The following MAGI2 variants were observed in gnomAD, a reference collection of about 807,000 sequenced individuals.
MAGI2 encodes the protein membrane-associated guanylate kinase, WW and PDZ domain-containing protein 2.
MAGI2 carries 35 observed loss-of-function variants against 133.3 expected under a neutral mutation model. That is an observed-to-expected ratio of 0.26 (90% CI 0.20 to 0.35). MAGI2 has a LOEUF of 0.35. Among genes scored for constraint, MAGI2 ranks in the 10% least tolerant of loss-of-function variants. The probability of loss-of-function intolerance (pLI) is 1.00; values close to 1 mark genes in which losing one functional copy is unlikely to be tolerated. For synonymous variants in MAGI2, 729 were observed against 710.6 expected, an observed-to-expected ratio of 1.03 and a Z score of -0.41; for missense variants, 1,636 against 1,863.4, an observed-to-expected ratio of 0.88 and a Z score of 2.25.
chr7:78,076,852 CAAAAAAAA>C (rs1242148618), intron 21 of MAGI2, among the ~76,000 whole-genome samples: 6 of 42,552 alleles, frequency 1.4e-4, no homozygotes, highest in African/African-American at 1.9e-4. Flanking sequence ...GACTCCGTCT[CAAAAAAAA>C]AAAAAAAAAA....
At chr7:78,797,553 C>G (rs1787718329) in intron 2 of MAGI2, among the ~76,000 whole-genome samples, 1 of 152,074 alleles carries the variant, frequency 6.6e-6, no homozygotes, top group African/African-American at 2.4e-5. Flanking sequence ...GTAATTGGAA[C>G]ATTATGTCAG....
intron 1 of MAGI2, among the ~76,000 whole-genome samples, chr7:79,384,299 G>C (rs1844020800): frequency 6.6e-6 from 1 of 151,614 alleles, no homozygotes; most frequent in African/African-American, 2.4e-5. Flanking sequence ...TGGTTACAAA[G>C]ATGGATTGAA....
intron 1 of MAGI2, among the ~76,000 whole-genome samples, chr7:79,294,447 A>G (rs1034339812): frequency 6.6e-6 from 1 of 151,706 alleles, no homozygotes; most frequent in African/African-American, 2.4e-5. Context: ...GGAACAGGGG[A>G]AGCCAGGCTC....
At chr7:78,766,423 G>A (rs983944983) in intron 2 of MAGI2, among the ~76,000 whole-genome samples, 1 of 152,168 alleles carries the variant, frequency 6.6e-6, no homozygotes, top group Admixed American at 6.5e-5. Flanking sequence ...AGGTGAATAA[G>A]TTGAGTAGCT....
At chr7:79,450,719 A>G (rs2129207380) in intron 1 of MAGI2, among the ~76,000 whole-genome samples, 1 of 152,304 alleles carries the variant, frequency 6.6e-6, no homozygotes, top group East Asian at 1.9e-4. Context: ...CATTAGATCA[A>G]ATTATGGCAA....
At chr7:78,541,741 C>G (rs1458874240) in intron 3 of MAGI2, among the ~76,000 whole-genome samples, 1 of 152,086 alleles carries the variant, frequency 6.6e-6, no homozygotes, top group Non-Finnish European at 1.5e-5. Context: ...TATCTAAGAA[C>G]CACTGTCTTT....
chr7:78,079,151 T>TA (rs1409683470), intron 20 of MAGI2, 66 bp from the exon 21 acceptor site: 337 of 1,476,930 alleles, frequency 2.3e-4, no homozygotes, highest in Non-Finnish European at 2.5e-4. Context: ...GTCAACAGAT[T>TA]AAAAAAAAAG....
At chr7:78,375,100 C>G (rs1306500067) in intron 6 of MAGI2, among the ~76,000 whole-genome samples, 1 of 152,090 alleles carries the variant, frequency 6.6e-6, no homozygotes, top group Non-Finnish European at 1.5e-5. Flanking sequence ...GCCTTGGCCT[C>G]CCAAAGTGCT....
intron 2 of MAGI2, among the ~76,000 whole-genome samples, chr7:78,941,912 A>G (rs1801018306): frequency 6.6e-6 from 1 of 151,896 alleles, no homozygotes; most frequent in Non-Finnish European, 1.5e-5. Flanking sequence ...TTGGCATAAA[A>G]CTCATCTCCA....
chr7:79,303,607 T>C (rs1343450037), intron 1 of MAGI2, among the ~76,000 whole-genome samples: 2 of 152,130 alleles, frequency 1.3e-5, no homozygotes. Flanking sequence ...GAATTTAAGG[T>C]TGGTTTGTTT....
At chr7:79,141,456 C>T (rs543543000) in intron 1 of MAGI2, among the ~76,000 whole-genome samples, 11 of 152,288 alleles carry the variant, frequency 7.2e-5, no homozygotes, top group African/African-American at 2.6e-4. Context: ...ACATCTACTT[C>T]AGAGCCAAAT....
At chr7:79,094,406 T>C (rs1044100255) in intron 1 of MAGI2, among the ~76,000 whole-genome samples, 2 of 152,242 alleles carry the variant, frequency 1.3e-5, no homozygotes, top group Admixed American at 1.3e-4. Flanking sequence ...TTCACTGAAG[T>C]CTTAAACCAT....
intron 15 of MAGI2, among the ~76,000 whole-genome samples, chr7:78,165,938 C>T (rs1336388910): frequency 6.6e-6 from 1 of 152,162 alleles, no homozygotes; most frequent in Non-Finnish European, 1.5e-5. Context: ...GTATCCTTTG[C>T]TGAACTTAAT....
intron 1 of MAGI2, among the ~76,000 whole-genome samples, chr7:79,163,443 G>A (rs1824594683): frequency 1.3e-5 from 2 of 152,168 alleles, no homozygotes; most frequent in East Asian, 1.9e-4. Flanking sequence ...CAAAGTGCTA[G>A]GATTACAGGT....
intron 21 of MAGI2, among the ~76,000 whole-genome samples, chr7:78,056,465 G>A (rs28891085): frequency 0.21 from 32,693 of 152,084 alleles, 4,559 homozygotes; most frequent in African/African-American, 0.4. Flanking sequence ...TGGTACATAT[G>A]TACCATGGAA....
chr7:78,880,777 G>A (rs1409545221), intron 2 of MAGI2, among the ~76,000 whole-genome samples: 1 of 111,394 alleles, frequency 9.0e-6, no homozygotes, highest in Non-Finnish European at 2.1e-5. Flanking sequence ...GGTACATATT[G>A]GCAAGCTGGA....
intron 1 of MAGI2, among the ~76,000 whole-genome samples, chr7:79,236,654 T>A (rs1831945639): frequency 6.6e-6 from 1 of 152,262 alleles, no homozygotes; most frequent in African/African-American, 2.4e-5. Flanking sequence ...GGACTCTAAG[T>A]TCTGTTCCAG....
chr7:78,272,872 G>A (rs1794721946), intron 9 of MAGI2, among the ~76,000 whole-genome samples: 1 of 152,136 alleles, frequency 6.6e-6, no homozygotes, highest in African/African-American at 2.4e-5. Flanking sequence ...ATAGCATACT[G>A]ATGGGTCTTG....
intron 1 of MAGI2, among the ~76,000 whole-genome samples, chr7:79,258,567 A>G (rs1037808255): frequency 5.9e-5 from 9 of 152,308 alleles, no homozygotes; most frequent in Admixed American, 5.9e-4. Flanking sequence ...GTTTTCTAAG[A>G]GCTTTGCCTG....
Sources: allele counts gnomAD v4.1 joint callset (sites outside exome capture counted in the v4.1 genomes callset), GRCh38; gene constraint gnomAD v4.1.1; transcripts MANE v1.5; gene names NCBI Gene and HGNC (gene_info 2026-07-23, HGNC 2026-07-21).